Variants in NMNAT2 observed in about 807,000 individuals in gnomAD.
NMNAT2 encodes nicotinamide nucleotide adenylyltransferase 2.
Under a neutral mutation model 41.6 loss-of-function variants are expected in NMNAT2, and 11 were observed. That is an observed-to-expected ratio of 0.26 (90% CI 0.17 to 0.44). NMNAT2 has a LOEUF of 0.44. Ranked by LOEUF, NMNAT2 falls within the 20% of genes least tolerant of loss-of-function variation. The probability of loss-of-function intolerance (pLI) is 1.00; values close to 1 mark genes in which losing one functional copy is unlikely to be tolerated. For missense variants in NMNAT2, 288 were observed against 407.7 expected, an observed-to-expected ratio of 0.71 and a Z score of 2.53; for synonymous variants, 148 against 151.2, an observed-to-expected ratio of 0.98 and a Z score of 0.16.
chr1:183,379,258 G>A (rs116825143), intron 1 of NMNAT2, among the ~76,000 whole-genome samples: 11,639 of 152,018 alleles, frequency 0.077, 502 homozygotes, highest in Admixed American at 0.11. Context: ...ATGGCTTATT[G>A]CAGCCTCAAC....
intron 4 of NMNAT2, 140 bp downstream of exon 4, chr1:183,289,988 C>G (rs1661496561): frequency 1.6e-6 from 1 of 629,726 alleles, no homozygotes; most frequent in Non-Finnish European, 2.8e-6. Context: ...TCTCTCACAA[C>G]CGGCAGAGAA....
intron 1 of NMNAT2, among the ~76,000 whole-genome samples, chr1:183,312,664 G>A (rs1010538403): frequency 1.3e-5 from 2 of 151,928 alleles, no homozygotes; most frequent in Non-Finnish European, 2.9e-5. Context: ...TAGAAGTCTG[G>A]GCCTGCTAAA....
chr1:183,317,556 G>A (rs1328498118), intron 1 of NMNAT2, among the ~76,000 whole-genome samples: 1 of 152,178 alleles, frequency 6.6e-6, no homozygotes, highest in African/African-American at 2.4e-5. Flanking sequence ...ATAGGCATGA[G>A]CCACCATGCC....
rs11355849 is a variant in NMNAT2 at position 183,342,022 on chromosome 1, C to CTT, written c.86-48231_86-48230dup. ...GGTTGTCTTTATCTTCCTTCCTCAC[C>CTT]TTTTTTTTTTTTTTTTTTTACCAAC... On this transcript the variant is annotated intron_variant, in intron 1 of 10. Transcript: ENST00000287713. Among the ~76,000 whole-genome samples the CTT allele has an allele frequency of 3.2e-3, 429 of 132,540 alleles. 3 individuals are homozygous for CTT. Among genetic ancestry groups the CTT allele is most frequent in the South Asian group, 0.028 (113 of 4,004 alleles). The allele number at this position is 132,540 out of a possible 152,430, so 87.0% of individuals were successfully genotyped here. A position where few individuals can be genotyped will look rare whatever the true frequency, so the allele number is the denominator to read the frequency against.
At chr1:183,341,384 A>G (rs1007910658) in intron 1 of NMNAT2, among the ~76,000 whole-genome samples, 43 of 151,908 alleles carry the variant, frequency 2.8e-4, no homozygotes, top group African/African-American at 1.0e-3. Flanking sequence ...GGTTGTTGTT[A>G]AATATGAGAA....
intron 1 of NMNAT2, among the ~76,000 whole-genome samples, chr1:183,386,757 T>C (rs1364556107): frequency 6.6e-6 from 1 of 152,122 alleles, no homozygotes; most frequent in East Asian, 1.9e-4. Flanking sequence ...AGCAGTATAA[T>C]ATATAGTTAT....
chr1:183,273,849 T>C (rs368403589), intron 8 of NMNAT2, among the ~76,000 whole-genome samples: 1,310 of 72,582 alleles, frequency 0.018, 161 homozygotes, highest in South Asian at 0.043. Context: ...CTCCCTTCCT[T>C]CCTTCCTTCC....
intron 1 of NMNAT2, among the ~76,000 whole-genome samples, chr1:183,296,179 A>G (rs908566291): frequency 2.0e-4 from 31 of 152,244 alleles, no homozygotes; most frequent in South Asian, 1.5e-3. Context: ...TCACTAAATG[A>G]TAGTCTATTG....
At chr1:183,346,630 C>A (rs1662935168) in intron 1 of NMNAT2, among the ~76,000 whole-genome samples, 1 of 152,192 alleles carries the variant, frequency 6.6e-6, no homozygotes, top group African/African-American at 2.4e-5. Context: ...GTCTCCTCTG[C>A]TTTAACCTTT....
intron 1 of NMNAT2, among the ~76,000 whole-genome samples, chr1:183,391,068 A>G (rs1176334131): frequency 1.3e-5 from 2 of 152,202 alleles, no homozygotes; most frequent in African/African-American, 4.8e-5. Flanking sequence ...ATCAATGAGC[A>G]TAGAAGAGTT....
intron 1 of NMNAT2, among the ~76,000 whole-genome samples, chr1:183,399,528 A>T (rs1648749714): frequency 6.6e-6 from 1 of 152,212 alleles, no homozygotes; most frequent in Non-Finnish European, 1.5e-5. Flanking sequence ...TCCAATCAAT[A>T]GAAAAAGAGG....
At chr1:183,361,121 C>A (rs912517017) in intron 1 of NMNAT2, among the ~76,000 whole-genome samples, 4 of 152,182 alleles carry the variant, frequency 2.6e-5, no homozygotes, top group African/African-American at 7.2e-5. Flanking sequence ...ACATGCCAAT[C>A]ACTGTTGTAA....
chr1:183,263,910 A>G (rs1269559683), intron 8 of NMNAT2, among the ~76,000 whole-genome samples: 1 of 152,204 alleles, frequency 6.6e-6, no homozygotes, highest in Non-Finnish European at 1.5e-5. Flanking sequence ...AATATGCAAC[A>G]AAGTTGGCGA....
chr1:183,284,276 C>G (rs1571572647), intron 6 of NMNAT2, among the ~76,000 whole-genome samples: 1 of 152,212 alleles, frequency 6.6e-6, no homozygotes, highest in Non-Finnish European at 1.5e-5. Flanking sequence ...CAGAATGAGA[C>G]AGCCTGGCTG....
intron 1 of NMNAT2, among the ~76,000 whole-genome samples, chr1:183,322,792 A>C (rs945551653): frequency 6.6e-6 from 1 of 152,222 alleles, no homozygotes; most frequent in Non-Finnish European, 1.5e-5. Flanking sequence ...CCCATGATTT[A>C]AAATACCATC....
At chr1:183,322,321 C>T (rs1173368009) in intron 1 of NMNAT2, among the ~76,000 whole-genome samples, 2 of 152,158 alleles carry the variant, frequency 1.3e-5, no homozygotes, top group East Asian at 1.9e-4. Context: ...AGGGAGAATA[C>T]GTTCAGGTGT....
intron 1 of NMNAT2, among the ~76,000 whole-genome samples, chr1:183,412,693 G>A (rs563783484): frequency 6.6e-6 from 1 of 152,354 alleles, no homozygotes; most frequent in East Asian, 1.9e-4. Context: ...TGAAGATAAA[G>A]AGATTCCAAA....
intron 10 of NMNAT2, among the ~76,000 whole-genome samples, chr1:183,258,002 G>A (rs1341849555): frequency 6.6e-6 from 1 of 152,178 alleles, no homozygotes. Context: ...TTTCCTCTTA[G>A]AACTATCCTT....
At chr1:183,416,049 C>T (rs1329279775) in intron 1 of NMNAT2, among the ~76,000 whole-genome samples, 1 of 152,204 alleles carries the variant, frequency 6.6e-6, no homozygotes, top group Non-Finnish European at 1.5e-5. Flanking sequence ...TCTCCTTTCA[C>T]CTTTCTATAT....
Sources: allele counts gnomAD v4.1 joint callset (sites outside exome capture counted in the v4.1 genomes callset), GRCh38; gene constraint gnomAD v4.1.1; transcripts MANE v1.5; gene names NCBI Gene and HGNC (gene_info 2026-07-23, HGNC 2026-07-21).